MYO5B: variants seen among roughly 807,000 people sequenced by gnomAD.
The protein encoded by MYO5B is unconventional myosin-Vb.
Under a neutral mutation model 229.3 loss-of-function variants are expected in MYO5B, and 143 were observed. The ratio of observed to expected loss-of-function variants is 0.62; its 90% CI spans 0.54 to 0.72. MYO5B has a LOEUF of 0.72. Ranked by LOEUF, MYO5B falls within the 30% of genes least tolerant of loss-of-function variation. The pLI is 0.00. For synonymous variants in MYO5B, 918 were observed against 885.2 expected (o/e 1.04, Z -0.66); for missense variants, 2,321 against 2,331.0 (o/e 1.00, Z 0.09).
intron 5 of MYO5B, 129 bp from the exon 6 acceptor site, chr18:49,992,560 A>G: frequency 7.5e-7 from 1 of 1,335,682 alleles, no homozygotes; most frequent in Non-Finnish European, 1.1e-6. Flanking sequence ...TCTTGGGATG[A>G]CAATGAACTG....
At chr18:50,072,658 G>A (rs1302903359) in intron 1 of MYO5B, among the ~76,000 whole-genome samples, 2 of 152,176 alleles carry the variant, frequency 1.3e-5, no homozygotes, top group African/African-American at 4.8e-5. Context: ...GCATTCTAAG[G>A]TTTTTGCTAA....
chr18:49,840,795 G>A (rs2024046670), intron 35 of MYO5B, among the ~76,000 whole-genome samples: 1 of 152,216 alleles, frequency 6.6e-6, no homozygotes, highest in Non-Finnish European at 1.5e-5. Context: ...TACAGGTCCG[G>A]TGTGGATTGT....
At chr18:49,912,414 C>T (rs2024968461) in intron 17 of MYO5B, among the ~76,000 whole-genome samples, 1 of 152,068 alleles carries the variant, frequency 6.6e-6, no homozygotes, top group African/African-American at 2.4e-5. Flanking sequence ...TTTGAAGGTA[C>T]TTCTTAGAGG....
At chr18:49,878,193 A>G (rs1200212781) in intron 24 of MYO5B, among the ~76,000 whole-genome samples, 2 of 152,116 alleles carry the variant, frequency 1.3e-5, no homozygotes, top group Non-Finnish European at 2.9e-5. Flanking sequence ...AGGCAGTCAC[A>G]TTACCCACTT....
At chr18:49,856,694 G>C in intron 30 of MYO5B, 119 bp downstream of exon 30, 1 of 833,378 alleles carries the variant, frequency 1.2e-6, no homozygotes, top group Non-Finnish European at 2.1e-6. Flanking sequence ...CTACCAGCCA[G>C]ACTGCATGCC....
At chr18:49,831,538 A>T (rs2023921920) in intron 39 of MYO5B, among the ~76,000 whole-genome samples, 1 of 152,168 alleles carries the variant, frequency 6.6e-6, no homozygotes, top group Admixed American at 6.6e-5. Flanking sequence ...GAGAGATACA[A>T]ATCCAAACCA....
chr18:49,905,960 T>G (rs976630533), intron 19 of MYO5B, among the ~76,000 whole-genome samples: 5 of 152,172 alleles, frequency 3.3e-5, no homozygotes, highest in Non-Finnish European at 7.4e-5. Context: ...TCCTGGCTTG[T>G]GCAGTAACTC....
intron 34 of MYO5B, 115 bp downstream of exon 34, chr18:49,843,126 A>G: frequency 1.5e-6 from 2 of 1,354,754 alleles, no homozygotes; most frequent in African/African-American, 1.4e-5. Context: ...TTACCTTCAA[A>G]GTTGGAGCCC....
rs369280341 is a variant in MYO5B, at chr18:49,999,313, G to A, written c.612+1942C>T. On this transcript the variant is annotated intron_variant, in intron 5 of 39. Transcript: ENST00000285039. ...TAGAACATGAGGTTAATTGTGGAGC[G>A]GCTGTCTTAGCTGTTCAATATAGGC... Among the ~76,000 whole-genome samples the A allele has an allele frequency of 8.5e-5, 13 of 152,300 alleles. No homozygotes were observed. In the South Asian group the frequency reaches 2.5e-3, roughly 29 times the overall value.
rs941775430 is a variant in MYO5B at position 50,021,333 on chromosome 18, T to C, written c.455+15517A>G. ...CAATCCATGGAGAGAGACACAAGAA[T>C]TGAACAGCAAGAACCCTGGAGTAAG... On this transcript the variant is annotated intron_variant, in intron 4 of 39. Transcript: ENST00000285039. Among the ~76,000 whole-genome samples the C allele has an allele frequency of 2.6e-5, 4 of 152,134 alleles. No individual in the cohort carries two copies. In the East Asian group the frequency reaches 7.7e-4, roughly 29 times the overall value.
intron 1 of MYO5B, among the ~76,000 whole-genome samples, chr18:50,079,117 G>C (rs575363252): frequency 1.3e-5 from 2 of 152,312 alleles, no homozygotes; most frequent in Admixed American, 6.5e-5. Flanking sequence ...TGGGATGCTG[G>C]TAAGTTCTGT....
chr18:49,954,556 G>C, intron 12 of MYO5B, 121 bp from the exon 13 acceptor site: 1 of 1,287,216 alleles, frequency 7.8e-7, no homozygotes, highest in Non-Finnish European at 1.1e-6. Context: ...CCTCGAACCA[G>C]GACCTTAACT....
At chr18:50,098,512 T>A (rs970223420) in intron 1 of MYO5B, among the ~76,000 whole-genome samples, 4 of 152,186 alleles carry the variant, frequency 2.6e-5, no homozygotes, top group African/African-American at 7.2e-5. Flanking sequence ...TGCCTTAACT[T>A]CAAGTAGCTT....
chr18:49,885,948 C>CT lies in MYO5B; in HGVS notation c.3046-5494dup, dbSNP rs879826192. Among the ~76,000 whole-genome samples the CT allele has an allele frequency of 5.5e-4, 83 of 151,998 alleles. 1 individual carries two copies. Among genetic ancestry groups the CT allele is most frequent in the South Asian group, 1.7e-3 (8 of 4,810 alleles). ...AAGATCCAAGCACTTTGTTAACACCCTTTTTTTTGAGACAAGGTCTCACCC... is the reference window on the plus strand; with the variant it reads ...AAGATCCAAGCACTTTGTTAACACCCTTTTTTTTTGAGACAAGGTCTCACCC... On this transcript the variant is annotated intron_variant, in intron 22 of 39. Transcript: ENST00000285039.
At chr18:49,832,779 A>C (rs1224282545) in intron 39 of MYO5B, among the ~76,000 whole-genome samples, 1 of 152,230 alleles carries the variant, frequency 6.6e-6, no homozygotes, top group East Asian at 1.9e-4. Context: ...GTGGTTTGAA[A>C]TAATGGGAGA....
intron 1 of MYO5B, among the ~76,000 whole-genome samples, chr18:50,089,004 G>A (rs1255728910): frequency 6.6e-6 from 1 of 152,160 alleles, no homozygotes; most frequent in African/African-American, 2.4e-5. Context: ...TTCCTGGTCA[G>A]TAACCTGGCA....
chr18:50,023,918 C>A (rs998059865), intron 4 of MYO5B, among the ~76,000 whole-genome samples: 4 of 152,096 alleles, frequency 2.6e-5, no homozygotes, highest in African/African-American at 9.7e-5. Context: ...AGCCTTCCAA[C>A]TTCAGAAAGA....
chr18:50,143,645 G>GC (rs2032452802), intron 1 of MYO5B, among the ~76,000 whole-genome samples: 2 of 152,302 alleles, frequency 1.3e-5, no homozygotes, highest in Admixed American at 1.3e-4. Context: ...GATTTAGAAA[G>GC]CCCCCAAATG....
intron 1 of MYO5B, among the ~76,000 whole-genome samples, chr18:50,169,119 G>A (rs1221754911): frequency 8.1e-6 from 1 of 124,138 alleles, no homozygotes; most frequent in Non-Finnish European, 1.7e-5. Context: ...ATCCTGGGCA[G>A]CATAGGGAGG....
Sources: gnomAD v4.1 joint callset for allele counts (sites outside exome capture counted in the v4.1 genomes callset) on GRCh38, gnomAD v4.1.1 for gene constraint, MANE v1.5 for transcripts, NCBI Gene and HGNC (gene_info 2026-07-23, HGNC 2026-07-21) for gene names.